ARL6IP5: variants seen among roughly 807,000 people sequenced by gnomAD.
ARL6IP5 encodes the protein PRA1 family protein 3.
In ARL6IP5, 6 loss-of-function variants were observed where a neutral mutation model predicts 13.0. That is an observed-to-expected ratio of 0.46 (90% CI 0.25 to 0.91). The LOEUF (loss-of-function observed/expected upper bound fraction) is 0.91. ARL6IP5 is among the 40% of genes least tolerant of loss of function. The pLI, the probability that ARL6IP5 is intolerant of heterozygous loss-of-function variation, is 0.17. For synonymous variants in ARL6IP5, 91 were observed against 91.9 expected (o/e 0.99, Z 0.06); for missense variants, 208 against 248.8 (o/e 0.84, Z 1.10).
rs550296234 is a variant in ARL6IP5 at position 69,101,619 on chromosome 3, C to T, written c.177-220C>T. Among the ~76,000 whole-genome samples, 7 of 152,184 alleles carry T rather than the reference C, an allele frequency of 4.6e-5. No homozygotes were observed. In the East Asian group the frequency reaches 1.4e-3, roughly 29 times the overall value. ...TATAGGTGTGAACTACCATTCCTGG[C>T]CTTCCCCACCATTTTCTAACCTCTG... On this transcript the variant is annotated intron_variant, in intron 1 of 2. Coordinates refer to ENST00000273258, the MANE Select transcript of ARL6IP5 (RefSeq NM_006407.4).
In ARL6IP5 at chr3:69,104,778, A is replaced by G; in HGVS notation, c.*142A>G. The stretch of plus-strand genomic sequence containing the variant: ...ATGGCAGCATGCATGTATAGGCCGA[A>G]CTATTATCAGCTCTGATGTTTCAGA... On this transcript the variant is annotated 3_prime_UTR_variant, in exon 3 of 3. Coordinates refer to ENST00000273258, the MANE Select transcript of ARL6IP5 (RefSeq NM_006407.4). 1 of 914,476 alleles carries G rather than the reference A, an allele frequency of 1.1e-6. No homozygotes were observed. Among genetic ancestry groups the G allele is most frequent in the South Asian group, 1.4e-5 (1 of 70,486 alleles). 56.6% of individuals were successfully genotyped at this position (914,476 alleles called of 1,614,324 possible). A position where few individuals can be genotyped will look rare whatever the true frequency, so the allele number is the denominator to read the frequency against.
chr3:69,101,794 A>C, intron 1 of ARL6IP5, 45 bp from the exon 2 acceptor site: 1 of 1,509,308 alleles, frequency 6.6e-7, no homozygotes, highest in Non-Finnish European at 9.1e-7. Context: ...TGCTACTTCT[A>C]TTGCTGAACT....
intron 1 of ARL6IP5, chr3:69,089,975 G>A (rs2092259928): frequency 2.5e-6 from 1 of 406,588 alleles, no homozygotes; most frequent in Non-Finnish European, 4.8e-6. Context: ...GGAGTTTCTA[G>A]AAGGCTGGTA....
At chr3:69,092,331 T>C (rs1210909149) in intron 1 of ARL6IP5, among the ~76,000 whole-genome samples, 1 of 152,110 alleles carries the variant, frequency 6.6e-6, no homozygotes, top group Non-Finnish European at 1.5e-5. Flanking sequence ...AATGCAGAAA[T>C]TGGGGGTTAG....
chr3:69,090,046 C>G (rs1221234168), intron 1 of ARL6IP5: 2 of 348,456 alleles, frequency 5.7e-6, no homozygotes, highest in East Asian at 7.6e-5. Flanking sequence ...CTTGGTGGCT[C>G]TGTAATATGT....
At chr3:69,099,500 G>T (rs2092299175) in intron 1 of ARL6IP5, among the ~76,000 whole-genome samples, 1 of 152,140 alleles carries the variant, frequency 6.6e-6, no homozygotes, top group Non-Finnish European at 1.5e-5. Context: ...CACCCATTCA[G>T]GTGTGAAAAG....
At position 69,085,158 on chromosome 3, in the gene ARL6IP5, G is replaced by A; in HGVS notation, c.111G>A (p.Val37=). 1.2e-6 allele frequency: 2 copies of A among 1,614,204 alleles called. No homozygotes were observed. Residue 37 remains valine (V), a synonymous_variant, in exon 1 of 3, where the codon GTG becomes GTA. Coordinates refer to ENST00000273258, the MANE Select transcript of ARL6IP5 (RefSeq NM_006407.4). ...RDISKWNNRV[V]SNLLYYQTNY... is the part of the protein sequence containing the mutation. ...TTTCCAAATGGAACAACCGCGTAGTGAGCAACCTGCTCTATTACCAGACCA... is the reference window on the plus strand; with the variant it reads ...TTTCCAAATGGAACAACCGCGTAGTAAGCAACCTGCTCTATTACCAGACCA...
rs1320661622 is a variant in ARL6IP5 at position 69,085,062 on chromosome 3, C to G, written c.15C>G (p.Ile5Met). 1 of 1,613,852 alleles carries G rather than the reference C, an allele frequency of 6.2e-7. No homozygotes were observed. Among genetic ancestry groups the G allele is most frequent in the East Asian group, 2.2e-5 (1 of 44,884 alleles). ...AAGCTGAGAACATGGACGTTAATAT[C>G]GCCCCACTCCGCGCCTGGGACGATT... MDVNIAPLRAWDDFF... is the reference protein window; with the variant it reads MDVNMAPLRAWDDFF... Residue 5 changes from isoleucine (I) to methionine (M), a missense_variant, in exon 1 of 3, where the codon ATC becomes ATG. Coordinates refer to ENST00000273258, the MANE Select transcript of ARL6IP5 (RefSeq NM_006407.4).
intron 1 of ARL6IP5, among the ~76,000 whole-genome samples, chr3:69,090,217 A>C (rs919077484): frequency 6.6e-6 from 1 of 152,244 alleles, no homozygotes; most frequent in African/African-American, 2.4e-5. Context: ...AAATGATTGC[A>C]GATAGAATGA....
At chr3:69,086,303 A>G (rs542301113) in intron 1 of ARL6IP5, among the ~76,000 whole-genome samples, 1 of 152,186 alleles carries the variant, frequency 6.6e-6, no homozygotes, top group African/African-American at 2.4e-5. Flanking sequence ...GCCCCATGCC[A>G]AGCTCCAAGC....
chr3:69,092,511 G>A (rs924631974), intron 1 of ARL6IP5, among the ~76,000 whole-genome samples: 2 of 152,168 alleles, frequency 1.3e-5, no homozygotes, highest in South Asian at 2.1e-4. Flanking sequence ...TCTCTGCATC[G>A]CCCAAGCTGG....
At chr3:69,102,972 TA>T (rs2092310884) in intron 2 of ARL6IP5, among the ~76,000 whole-genome samples, 1 of 152,244 alleles carries the variant, frequency 6.6e-6, no homozygotes, top group East Asian at 1.9e-4. Flanking sequence ...GAAATCTGAT[TA>T]AAATTCTAGT....
chr3:69,102,480 G>A (rs1201528056), intron 2 of ARL6IP5, among the ~76,000 whole-genome samples: 1 of 152,002 alleles, frequency 6.6e-6, no homozygotes, highest in African/African-American at 2.4e-5. Context: ...GGCTGATCTC[G>A]GACTCCCAAG....
intron 1 of ARL6IP5, among the ~76,000 whole-genome samples, chr3:69,100,797 A>G (rs1420466684): frequency 6.6e-6 from 1 of 151,954 alleles, no homozygotes; most frequent in South Asian, 2.1e-4. Context: ...AAAAAAAAAA[A>G]AAAGAAAAAC....
intron 1 of ARL6IP5, among the ~76,000 whole-genome samples, chr3:69,097,061 A>G (rs1165855413): frequency 6.6e-6 from 1 of 152,100 alleles, no homozygotes; most frequent in Non-Finnish European, 1.5e-5. Context: ...ATACATGGCC[A>G]TTGAAAAAAA....
chr3:69,101,002 A>AT (rs779731609), intron 1 of ARL6IP5, among the ~76,000 whole-genome samples: 17 of 151,066 alleles, frequency 1.1e-4, no homozygotes, highest in Non-Finnish European at 1.9e-4. Flanking sequence ...AGTTTTCTGG[A>AT]TTTTTTTTTA....
rs570357222 is a variant in ARL6IP5 at position 69,103,932 on chromosome 3, A to G, written c.395-532A>G. 7.2e-5 allele frequency among the ~76,000 whole-genome samples: 11 copies of G among 152,324 alleles called. No individual in the cohort carries two copies. In the South Asian group the frequency reaches 1.7e-3, roughly 23 times the overall value. On this transcript the variant is annotated intron_variant, in intron 2 of 2. Coordinates refer to ENST00000273258, the MANE Select transcript of ARL6IP5 (RefSeq NM_006407.4). ...AAGCAAGTTTGGGGAACGGTAGGCT[A>G]TAGAAACTCTGTAAAGCCCTTAGAT...
intron 1 of ARL6IP5, among the ~76,000 whole-genome samples, chr3:69,090,891 T>A (rs569447764): frequency 1.3e-5 from 2 of 152,346 alleles, no homozygotes; most frequent in South Asian, 4.1e-4. Flanking sequence ...CACAGTAACA[T>A]TTTAATCTCA....
intron 1 of ARL6IP5, among the ~76,000 whole-genome samples, chr3:69,089,583 T>C (rs1309045754): frequency 6.6e-6 from 1 of 151,296 alleles, no homozygotes; most frequent in Non-Finnish European, 1.5e-5. Flanking sequence ...GATGGGAGGA[T>C]TGCTCAAGGC....
Sources: allele counts gnomAD v4.1 joint callset (sites outside exome capture counted in the v4.1 genomes callset), GRCh38; gene constraint gnomAD v4.1.1; transcripts MANE v1.5; gene names NCBI Gene and HGNC (gene_info 2026-07-23, HGNC 2026-07-21).